Variants in CS observed in about 807,000 individuals in gnomAD.
The protein encoded by CS is citrate synthase.
CS carries 13 observed loss-of-function variants against 61.4 expected under a neutral mutation model. That is an observed-to-expected ratio of 0.21 (90% CI 0.14 to 0.34). The LOEUF (loss-of-function observed/expected upper bound fraction) is 0.34. Ranked by LOEUF, CS falls within the 10% of genes least tolerant of loss-of-function variation. The pLI is 1.00. For missense variants in CS, 278 were observed against 573.4 expected, an observed-to-expected ratio of 0.48 and a Z score of 5.26; for synonymous variants, 159 against 215.2, an observed-to-expected ratio of 0.74 and a Z score of 2.29.
At chr12:56,296,217 T>C (rs1189420731) in intron 1 of CS, among the ~76,000 whole-genome samples, 10 of 152,036 alleles carry the variant, frequency 6.6e-5, no homozygotes, top group African/African-American at 2.2e-4. Context: ...TCTCAGCACT[T>C]TGGGAAGCTG....
chr12:56,289,896 CTGTTT>C (rs775698944), intron 1 of CS, among the ~76,000 whole-genome samples: 30 of 151,960 alleles, frequency 2.0e-4, no homozygotes, highest in Admixed American at 3.9e-4. Context: ...AGCTGACTTT[CTGTTT>C]TGTTTTGTTT....
intron 3 of CS, 109 bp downstream of exon 3, chr12:56,285,807 A>G: frequency 1.1e-6 from 1 of 876,298 alleles, no homozygotes; most frequent in Non-Finnish European, 1.9e-6. Flanking sequence ...AAGCTGTCCT[A>G]CAGGGCCTAT....
At chr12:56,283,921 G>T in intron 3 of CS, 64 bp from the exon 4 acceptor site, 2 of 1,230,298 alleles carry the variant, frequency 1.6e-6, no homozygotes, top group Non-Finnish European at 2.4e-6. Context: ...GAATGATTCA[G>T]ACTAGAACTT....
At chr12:56,286,937 C>T (rs1158334043) in intron 1 of CS, among the ~76,000 whole-genome samples, 6 of 152,112 alleles carry the variant, frequency 3.9e-5, no homozygotes, top group African/African-American at 1.4e-4. Context: ...TTTTGAGTGA[C>T]CCCAAGGAAA....
At position 56,300,322 on chromosome 12, in the gene CS, G is replaced by A; in HGVS notation, c.-121C>T. ...CGGGTTGACAAGGTTGAAAGGAGGC[G>A]GCTGAAGGAAAGAGTAGACGAACCG... On this transcript the variant is annotated 5_prime_UTR_variant, in exon 1 of 11. Coordinates refer to ENST00000351328, the MANE Select transcript of CS (RefSeq NM_004077.3). The A allele has an allele frequency of 1.8e-6, 2 of 1,129,154 alleles. No homozygotes were observed. The highest frequency in any genetic ancestry group is 2.5e-6 in the Non-Finnish European group (2 of 796,288). The allele number at this position is 1,129,154 out of a possible 1,614,324, so 69.9% of individuals were successfully genotyped here. A position where few individuals can be genotyped will look rare whatever the true frequency, so the allele number is the denominator to read the frequency against.
chr12:56,284,363 C>T (rs1267730615), intron 3 of CS, among the ~76,000 whole-genome samples: 3 of 149,262 alleles, frequency 2.0e-5, no homozygotes, highest in Non-Finnish European at 4.5e-5. Context: ...ACTTTGTGGC[C>T]AGGTACGGTG....
chr12:56,283,174 C>T (rs142669112), intron 4 of CS, among the ~76,000 whole-genome samples, 183 bp from the exon 5 acceptor site: 1 of 152,330 alleles, frequency 6.6e-6, no homozygotes, highest in East Asian at 1.9e-4. Flanking sequence ...TCACGCAATG[C>T]TCCACCTTGG....
chr12:56,294,361 C>G (rs2135925667), intron 1 of CS, among the ~76,000 whole-genome samples: 1 of 150,100 alleles, frequency 6.7e-6, no homozygotes, highest in East Asian at 2.0e-4. Flanking sequence ...GTAATCTCAG[C>G]TAACCGGGAA....
intron 1 of CS, chr12:56,299,897 C>T: frequency 4.8e-6 from 2 of 420,216 alleles, no homozygotes; most frequent in Non-Finnish European, 8.6e-6. Flanking sequence ...TTCAGACATG[C>T]GGGGTGACAG....
chr12:56,293,817 A>G (rs1873209106), intron 1 of CS, among the ~76,000 whole-genome samples: 1 of 152,236 alleles, frequency 6.6e-6, no homozygotes, highest in Non-Finnish European at 1.5e-5. Context: ...AAAAGATCAG[A>G]GCTTGCCAAG....
At chr12:56,299,705 G>A (rs1873418690) in intron 1 of CS, 1 of 157,492 alleles carries the variant, frequency 6.3e-6, no homozygotes, top group Middle Eastern at 3.2e-3. Context: ...AACTGACAAG[G>A]CCCTTCCTAC....
Position 56,282,778 on chromosome 12 carries a change from G to A in CS, c.399+82C>T, listed in dbSNP as rs1291799558. ...TTCACTACGCATCTCTATAAATGCC[G>A]GATCAGCATTAAGTGTCTGAGATTA... On this transcript the variant is annotated intron_variant, in intron 5 of 10. Transcript: ENST00000351328. 40 of 1,590,216 alleles carry A rather than the reference G, an allele frequency of 2.5e-5. No individual in the cohort carries two copies. In the Admixed American group the frequency reaches 2.7e-4, roughly 11 times the overall value.
intron 1 of CS, among the ~76,000 whole-genome samples, chr12:56,293,748 A>G (rs1160213499): frequency 6.6e-6 from 1 of 152,098 alleles, no homozygotes; most frequent in African/African-American, 2.4e-5. Context: ...AGAAAACAAA[A>G]CAGAAAAACC....
chr12:56,289,999 T>C (rs1006552586), intron 1 of CS, among the ~76,000 whole-genome samples: 2 of 151,994 alleles, frequency 1.3e-5, no homozygotes, highest in Non-Finnish European at 2.9e-5. Flanking sequence ...GTTCAAGCGA[T>C]TCTCCTGCCT....
At chr12:56,297,840 A>G (rs766366940) in intron 1 of CS, among the ~76,000 whole-genome samples, 5 of 152,122 alleles carry the variant, frequency 3.3e-5, no homozygotes, top group African/African-American at 4.8e-5. Context: ...AAAATTACCA[A>G]TTATGACTAG....
intron 9 of CS, chr12:56,274,299 C>T (rs1399888058): frequency 3.6e-5 from 5 of 138,070 alleles, no homozygotes; most frequent in Non-Finnish European, 1.5e-5. Flanking sequence ...CTAGCCTGGG[C>T]AACAAGAGCA....
chr12:56,291,477 G>A (rs903910018), intron 1 of CS, among the ~76,000 whole-genome samples: 19 of 152,068 alleles, frequency 1.2e-4, no homozygotes, highest in African/African-American at 3.6e-4. Flanking sequence ...GCCACCAGCA[G>A]AGCAAATGAC....
intron 1 of CS, among the ~76,000 whole-genome samples, chr12:56,298,251 G>A (rs1203297844): frequency 6.6e-6 from 1 of 152,172 alleles, no homozygotes; most frequent in Admixed American, 6.5e-5. Flanking sequence ...ACCCGCCTCT[G>A]CCTCCCAAAG....
Position 56,300,300 on chromosome 12 carries a change from G to A in CS, c.-99C>T. 1 of 1,283,372 alleles carries A rather than the reference G, an allele frequency of 7.8e-7. No homozygotes were observed. The highest frequency in any genetic ancestry group is 1.1e-6 in the Non-Finnish European group (1 of 926,622). The allele number at this position is 1,283,372 out of a possible 1,614,324, so 79.5% of individuals were successfully genotyped here. ...GCTGCACCAGAGGCCGCGCCGACGG[G>A]TTGACAAGGTTGAAAGGAGGCGGCT... On this transcript the variant is annotated 5_prime_UTR_variant, in exon 1 of 11. Coordinates refer to ENST00000351328, the MANE Select transcript of CS (RefSeq NM_004077.3).
Sources: allele counts gnomAD v4.1 joint callset (sites outside exome capture counted in the v4.1 genomes callset), GRCh38; gene constraint gnomAD v4.1.1; transcripts MANE v1.5; gene names NCBI Gene and HGNC (gene_info 2026-07-23, HGNC 2026-07-21).